Variants in SLC35H1 observed in about 807,000 individuals in gnomAD.
SLC35H1 encodes ovarian cancer-overexpressed gene 1 protein.
At chr20:46,362,044 G>A in the SLC35H1 span, among the ~76,000 whole-genome samples, 5 of 152,192 alleles carry the variant, frequency 3.3e-5, no homozygotes, top group East Asian at 1.9e-4. Flanking sequence ...TGGCTACCCC[G>A]CCTACAAGAA....
chr20:46,355,064 C>A, the SLC35H1 span: 6 of 1,613,942 alleles, frequency 3.7e-6, no homozygotes, highest in Non-Finnish European at 5.1e-6. The surrounding 1 kb of genome is among the most constrained non-coding windows in gnomAD (Gnocchi z 4.8). Flanking sequence ...ATGAGTGGCA[C>A]GTGCTCACCG....
the SLC35H1 span, among the ~76,000 whole-genome samples, chr20:46,363,655 G>A: frequency 6.6e-6 from 1 of 152,120 alleles, no homozygotes; most frequent in Non-Finnish European, 1.5e-5. Context: ...CACAGTCTAA[G>A]CCACAATTAT....
the SLC35H1 span, among the ~76,000 whole-genome samples, chr20:46,355,617 C>T: frequency 6.6e-6 from 1 of 152,172 alleles, no homozygotes; most frequent in African/African-American, 2.4e-5. The surrounding 1 kb of genome is among the most constrained non-coding windows in gnomAD (Gnocchi z 4.8). Flanking sequence ...ATTACCCTGC[C>T]ACACTGGTTT....
At chr20:46,355,229 C>T in the SLC35H1 span, 1 of 1,613,624 alleles carries the variant, frequency 6.2e-7, no homozygotes, top group Non-Finnish European at 8.5e-7. The surrounding 1 kb of genome is among the most constrained non-coding windows in gnomAD (Gnocchi z 4.8). Context: ...ACCACCAGGA[C>T]CAGTGCCGCG....
the SLC35H1 span, chr20:46,350,294 C>T: frequency 1.4e-6 from 2 of 1,441,932 alleles, no homozygotes; most frequent in Non-Finnish European, 9.3e-7. Context: ...CTCCCGTCCA[C>T]AGCTCCCAGC....
chr20:46,359,945 A>C, the SLC35H1 span, among the ~76,000 whole-genome samples: 4 of 152,170 alleles, frequency 2.6e-5, no homozygotes, highest in Non-Finnish European at 5.9e-5. Flanking sequence ...TCCCCGGGGC[A>C]AACAGGGAGC....
chr20:46,355,009 G>A, the SLC35H1 span: 2 of 1,613,728 alleles, frequency 1.2e-6, no homozygotes. This position sits in a 1 kb window ranked among gnomAD's most constrained non-coding sequence, Gnocchi z 4.8. Context: ...GTCCGGCCCT[G>A]CCCTGCCTCC....
the SLC35H1 span, chr20:46,355,820 G>T: frequency 1.2e-6 from 2 of 1,614,104 alleles, no homozygotes; most frequent in East Asian, 4.5e-5. This position sits in a 1 kb window ranked among gnomAD's most constrained non-coding sequence, Gnocchi z 4.8. Context: ...CCAGCTTGAA[G>T]ATCAGAGAGA....
At chr20:46,355,194 G>T in the SLC35H1 span, 1 of 1,614,064 alleles carries the variant, frequency 6.2e-7, no homozygotes, top group South Asian at 1.1e-5. This position sits in a 1 kb window ranked among gnomAD's most constrained non-coding sequence, Gnocchi z 4.8. Flanking sequence ...AGGTGAACAT[G>T]AAGAGACCCC....
chr20:46,358,770 G>C, the SLC35H1 span: 15 of 1,495,772 alleles, frequency 1.0e-5, no homozygotes, highest in Non-Finnish European at 1.4e-5. Context: ...TCTGCTGCTG[G>C]GGAAAAAGGG....
the SLC35H1 span, chr20:46,350,255 G>T: frequency 9.6e-7 from 1 of 1,038,410 alleles, no homozygotes; most frequent in Non-Finnish European, 1.4e-6. Flanking sequence ...AAAGTCATGA[G>T]TCCCTGGCTT....
At chr20:46,356,726 C>A in the SLC35H1 span, 4 of 1,266,182 alleles carry the variant, frequency 3.2e-6, no homozygotes, top group Non-Finnish European at 4.5e-6. Context: ...GAGTGTCCCC[C>A]ACTTCTGAAC....
At chr20:46,353,418 G>A in the SLC35H1 span, among the ~76,000 whole-genome samples, 6 of 152,188 alleles carry the variant, frequency 3.9e-5, no homozygotes, top group African/African-American at 9.6e-5. Flanking sequence ...GAAAGTCCTC[G>A]TGGTGTATTA....
At chr20:46,357,996 G>A in the SLC35H1 span, among the ~76,000 whole-genome samples, 1 of 152,210 alleles carries the variant, frequency 6.6e-6, no homozygotes, top group Admixed American at 6.5e-5. Context: ...CTAGCCTGGT[G>A]CTGTCTCCAC....
chr20:46,358,246 G>T, the SLC35H1 span: 1 of 783,642 alleles, frequency 1.3e-6, no homozygotes, highest in Non-Finnish European at 2.1e-6. Context: ...GGCTTGGAGG[G>T]CCCTGTTCCA....
the SLC35H1 span, chr20:46,352,301 G>A: frequency 7.6e-7 from 1 of 1,313,982 alleles, no homozygotes; most frequent in South Asian, 1.3e-5. Context: ...AACCACACAA[G>A]ATCTTCCACT....
the SLC35H1 span, chr20:46,351,937 C>T: frequency 8.6e-7 from 1 of 1,161,056 alleles, no homozygotes; most frequent in Non-Finnish European, 1.2e-6. Context: ...TGGGGCACTT[C>T]CTTCTCTTCT....
the SLC35H1 span, chr20:46,358,887 TC>T: frequency 1.5e-6 from 1 of 683,990 alleles, no homozygotes; most frequent in Non-Finnish European, 2.6e-6. Context: ...GCACAGGCAG[TC>T]CCAGAGACCC....
the SLC35H1 span, chr20:46,358,772 GA>G: frequency 2.7e-6 from 4 of 1,478,468 alleles, no homozygotes; most frequent in Non-Finnish European, 2.8e-6. Flanking sequence ...TGCTGCTGGG[GA>G]AAAAGGGCCG....
Sources: allele counts gnomAD v4.1 joint callset (sites outside exome capture counted in the v4.1 genomes callset), GRCh38; gene constraint gnomAD v4.1.1; non-coding constraint Gnocchi (gnomAD v3.1); transcripts MANE v1.5; gene names NCBI Gene and HGNC (gene_info 2026-07-23, HGNC 2026-07-21).